Variants in ST18 observed in about 807,000 individuals in gnomAD.
The protein encoded by ST18 is ST18 C2H2C-type zinc finger transcription factor, also known as suppression of tumorigenicity 18 protein.
Under a neutral mutation model 110.0 loss-of-function variants are expected in ST18, and 50 were observed. The observed-to-expected ratio is 0.45, with a 90% CI of 0.36 to 0.58. The LOEUF is 0.58. Among genes scored for constraint, ST18 ranks in the 20% least tolerant of loss-of-function variants. The probability of loss-of-function intolerance (pLI) is 0.00; values close to 1 mark genes in which losing one functional copy is unlikely to be tolerated. For synonymous variants in ST18, 461 were observed against 452.4 expected, an observed-to-expected ratio of 1.02 and a Z score of -0.24; for missense variants, 1,306 against 1,280.1, an observed-to-expected ratio of 1.02 and a Z score of -0.31.
intron 2 of ST18, among the ~76,000 whole-genome samples, chr8:52,383,767 A>C (rs1277295725): frequency 4.1e-5 from 6 of 147,032 alleles, no homozygotes; most frequent in Admixed American, 4.0e-4. Context: ...TTATTTTTAA[A>C]AGACAGGATC....
chr8:52,158,874 C>G, intron 15 of ST18, 24 bp downstream of exon 15: 1 of 1,613,700 alleles, frequency 6.2e-7, no homozygotes. Flanking sequence ...CTGGCCCACC[C>G]TCCGGGCTCT....
At chr8:52,150,617 C>T (rs1044020487) in intron 15 of ST18, among the ~76,000 whole-genome samples, 2 of 152,102 alleles carry the variant, frequency 1.3e-5, no homozygotes, top group Non-Finnish European at 2.9e-5. Context: ...TGCTTCAAAC[C>T]GGTGGTGGTG....
chr8:52,143,040 G>A lies in ST18; in HGVS notation c.2058C>T (p.Asp686=). 6.2e-7 allele frequency: 1 copy of A among 1,601,266 alleles called. No individual in the cohort carries two copies. The highest frequency in any genetic ancestry group is 8.6e-7 in the Non-Finnish European group (1 of 1,169,056). ...CTAAATTTTCTAGAGAGCTCACTGG[G>A]TCTTTCTGGAAAACAAACAAAAAAC... The part of the protein sequence containing the change: ...HGKTEEEKEK[D]PVSSLENLEE... Residue 686 remains aspartate (D), a synonymous_variant, in exon 17 of 26, where the codon GAC becomes GAT. Transcript: ENST00000689386.
intron 8 of ST18, chr8:52,206,776 A>G (rs565704192): frequency 6.6e-6 from 1 of 152,360 alleles, no homozygotes; most frequent in South Asian, 2.1e-4. Flanking sequence ...ATACATTGCC[A>G]ACATGATATA....
intron 25 of ST18, among the ~76,000 whole-genome samples, chr8:52,115,092 T>A (rs2042074409): frequency 6.6e-6 from 1 of 152,220 alleles, no homozygotes; most frequent in Non-Finnish European, 1.5e-5. Flanking sequence ...CATTATTGAT[T>A]TTTTGGCTGG....
intron 2 of ST18, among the ~76,000 whole-genome samples, chr8:52,266,501 GGC>G (rs2094874661): frequency 2.0e-5 from 3 of 151,884 alleles, no homozygotes; most frequent in Non-Finnish European, 4.4e-5. Context: ...TAGGATGGCA[GGC>G]AGATCTCACA....
chr8:52,394,560 TA>T (rs374608221), intron 2 of ST18, among the ~76,000 whole-genome samples: 3,249 of 152,196 alleles, frequency 0.021, 122 homozygotes, highest in African/African-American at 0.074. Context: ...AAGAAAGATT[TA>T]TTTTTATCCT....
intron 2 of ST18, among the ~76,000 whole-genome samples, chr8:52,235,829 T>A (rs1002562817): frequency 6.6e-6 from 1 of 152,134 alleles, no homozygotes; most frequent in Non-Finnish European, 1.5e-5. Context: ...TCAACTTTGG[T>A]GCAGGGGGAG....
intron 17 of ST18, among the ~76,000 whole-genome samples, chr8:52,141,511 C>G (rs1172335628): frequency 6.6e-6 from 1 of 152,182 alleles, no homozygotes; most frequent in Non-Finnish European, 1.5e-5. Context: ...CCACTTTGTG[C>G]CCTCTGAGGC....
At chr8:52,297,206 C>T (rs1409820406) in intron 2 of ST18, among the ~76,000 whole-genome samples, 1 of 152,210 alleles carries the variant, frequency 6.6e-6, no homozygotes, top group African/African-American at 2.4e-5. Context: ...CGCACACAGG[C>T]TCAGAGCCCA....
At chr8:52,354,925 G>T (rs1822019472) in intron 2 of ST18, among the ~76,000 whole-genome samples, 1 of 152,190 alleles carries the variant, frequency 6.6e-6, no homozygotes, top group Non-Finnish European at 1.5e-5. Context: ...CAAATTCAAA[G>T]ACTGTTAAGA....
intron 8 of ST18, among the ~76,000 whole-genome samples, chr8:52,191,090 A>C (rs1400777467): frequency 6.6e-6 from 1 of 152,210 alleles, no homozygotes; most frequent in Non-Finnish European, 1.5e-5. Context: ...AGACAAGGCC[A>C]GTTTTGGCTG....
At position 52,285,758 on chromosome 8, in the gene ST18, G is replaced by A. The variant is rs139328203; in HGVS notation, c.-464-55681C>T. Among the ~76,000 whole-genome samples, 917 of 152,254 alleles carry A rather than the reference G, an allele frequency of 6.0e-3. 5 individuals are homozygous for A. The highest frequency in any genetic ancestry group is 0.021 in the African/African-American group (854 of 41,522). On this transcript the variant is annotated intron_variant, in intron 2 of 25. Coordinates refer to ENST00000689386, the MANE Select transcript of ST18 (RefSeq NM_001352837.2). The stretch of plus-strand genomic sequence containing the variant: ...TCCTTGGAATATATCCAATTTCTGC[G>A]ACATTTTTCTAGTGGTCTTCAATGG...
chr8:52,352,204 C>T (rs923945782), intron 2 of ST18, among the ~76,000 whole-genome samples: 1 of 152,154 alleles, frequency 6.6e-6, no homozygotes. Flanking sequence ...AAGAGTGACT[C>T]TTGAGGAGTG....
chr8:52,163,871 C>T, intron 13 of ST18, 115 bp downstream of exon 13: 2 of 717,652 alleles, frequency 2.8e-6, no homozygotes, highest in Non-Finnish European at 2.4e-6. Flanking sequence ...CCCAGGTCTA[C>T]TGGGGCTGAG....
intron 2 of ST18, among the ~76,000 whole-genome samples, chr8:52,354,395 T>A (rs932322258): frequency 6.6e-6 from 1 of 152,160 alleles, no homozygotes; most frequent in Non-Finnish European, 1.5e-5. Flanking sequence ...TTTCAGAGCA[T>A]GGGCAAGACA....
At chr8:52,289,729 T>C (rs2095525424) in intron 2 of ST18, among the ~76,000 whole-genome samples, 1 of 152,124 alleles carries the variant, frequency 6.6e-6, no homozygotes, top group Non-Finnish European at 1.5e-5. Context: ...AAATTCACTC[T>C]CTCACCCTCC....
chr8:52,269,149 C>T (rs143645196), intron 2 of ST18, among the ~76,000 whole-genome samples: 3 of 152,292 alleles, frequency 2.0e-5, no homozygotes, highest in African/African-American at 4.8e-5. Flanking sequence ...AGATGTAGGC[C>T]AATGCTGGGC....
intron 8 of ST18, among the ~76,000 whole-genome samples, chr8:52,198,360 C>T (rs1317627007): frequency 6.6e-6 from 1 of 152,184 alleles, no homozygotes; most frequent in East Asian, 1.9e-4. Context: ...GACATTTACC[C>T]AAACACAGAT....
Sources: gnomAD v4.1 joint callset for allele counts (sites outside exome capture counted in the v4.1 genomes callset) on GRCh38, gnomAD v4.1.1 for gene constraint, MANE v1.5 for transcripts, NCBI Gene and HGNC (gene_info 2026-07-23, HGNC 2026-07-21) for gene names.